The following TRIM24 variants were observed in gnomAD, a reference collection of about 807,000 sequenced individuals.
TRIM24 encodes the protein tripartite motif containing 24.
TRIM24 carries 29 observed loss-of-function variants against 123.9 expected under a neutral mutation model. The observed-to-expected ratio is 0.23, with a 90% CI of 0.17 to 0.32. TRIM24 has a LOEUF of 0.32. Among genes scored for constraint, TRIM24 ranks in the 10% least tolerant of loss-of-function variants. The pLI is 1.00. For missense variants in TRIM24, 932 were observed against 1,295.3 expected (o/e 0.72, Z 4.31); for synonymous variants, 456 against 461.1 (o/e 0.99, Z 0.14).
At position 138,504,363 on chromosome 7, in the gene TRIM24, G is replaced by A. The variant is rs2116527910; in HGVS notation, c.438G>A (p.Lys146=). ...ERHIIDNFFV[K]DTTEVPSSTV... ...ACATCATAGATAACTTTTTTGTGAA[G>A]GACACTACTGAGGTTCCCAGCAGTA... Residue 146 remains lysine (K), a synonymous_variant, in exon 2 of 19, where the codon AAG becomes AAA. Transcript: ENST00000343526. 6.2e-7 allele frequency: 1 copy of A among 1,602,928 alleles called. No individual in the cohort carries two copies. The highest frequency in any genetic ancestry group is 8.5e-7 in the Non-Finnish European group (1 of 1,175,246).
rs988673780 is a variant in TRIM24, at chr7:138,525,473, CAT to C, written c.881+117_881+118del. The C allele has an allele frequency of 9.1e-5, 42 of 461,192 alleles. 1 individual carries two copies. The Admixed American group carries it at 1.4e-3, about 15-fold the overall frequency. 28.6% of individuals were successfully genotyped at this position (461,192 alleles called of 1,614,324 possible). On this transcript the variant is annotated intron_variant, in intron 5 of 18. Coordinates refer to ENST00000343526, the MANE Select transcript of TRIM24 (RefSeq NM_015905.3). ...ACGTTGTTAGATGACTGCAATAACACATGACTGATAAGACTTTCCCAGAAACT... is the reference window on the plus strand; with the variant it reads ...ACGTTGTTAGATGACTGCAATAACACGACTGATAAGACTTTCCCAGAAACT...
chr7:138,499,915 G>A (rs1795999005), intron 1 of TRIM24, among the ~76,000 whole-genome samples: 1 of 151,824 alleles, frequency 6.6e-6, no homozygotes, highest in African/African-American at 2.4e-5. Context: ...TACTATTAGT[G>A]GTATTGACAG....
intron 6 of TRIM24, among the ~76,000 whole-genome samples, chr7:138,530,669 G>A (rs573825872): frequency 9.3e-5 from 14 of 151,252 alleles, no homozygotes; most frequent in Admixed American, 2.6e-4. Flanking sequence ...GTTTTGACAC[G>A]TTGGCTCAGG....
rs1563036481 is a variant in TRIM24, at chr7:138,504,192, T to TTGAAAAAGAAC, written c.365-98_365-97insTGAAAAAGAAC. On this transcript the variant is annotated intron_variant, in intron 1 of 18. Coordinates refer to ENST00000343526, the MANE Select transcript of TRIM24 (RefSeq NM_015905.3). ...ACAGCAGGTATGAATTTAAAAAGAA[T>TTGAAAAAGAAC]GGACATTGAAAAAGAACAAAGTCAC... is the stretch of plus-strand genomic sequence containing the variant. 9.3e-4 allele frequency: 630 copies of TTGAAAAAGAAC among 677,256 alleles called. 2 individuals are homozygous for TTGAAAAAGAAC. The African/African-American group carries it at 0.01, about 11-fold the overall frequency. The allele number at this position is 677,256 out of a possible 1,614,324, so 42.0% of individuals were successfully genotyped here. A position where few individuals can be genotyped will look rare whatever the true frequency, so the allele number is the denominator to read the frequency against.
Position 138,532,912 on chromosome 7 carries a change from A to T in TRIM24, c.996+3682A>T, listed in dbSNP as rs201455402. Among the ~76,000 whole-genome samples, 74 of 152,258 alleles carry T rather than the reference A, an allele frequency of 4.9e-4. 1 individual carries two copies. The East Asian group carries it at 0.012, about 24-fold the overall frequency. ...GTTGAGCAGTGGTTTGTAGTTCTCC[A>T]TGAAGGGGTCCTTCACATCCCTTGT... On this transcript the variant is annotated intron_variant, in intron 6 of 18. Coordinates refer to ENST00000343526, the MANE Select transcript of TRIM24 (RefSeq NM_015905.3).
chr7:138,533,059 A>AT (rs1796782943), intron 6 of TRIM24, among the ~76,000 whole-genome samples: 1 of 152,162 alleles, frequency 6.6e-6, no homozygotes, highest in South Asian at 2.1e-4. Context: ...TTGCACATTG[A>AT]TTTTGTATCC....
At chr7:138,473,667 A>ATGCT (rs1370855647) in intron 1 of TRIM24, among the ~76,000 whole-genome samples, 1 of 152,270 alleles carries the variant, frequency 6.6e-6, no homozygotes, top group Non-Finnish European at 1.5e-5. Flanking sequence ...CTATCACTGT[A>ATGCT]TGCTTACTAG....
chr7:138,510,115 T>C (rs1219188794), intron 2 of TRIM24, among the ~76,000 whole-genome samples: 1 of 152,228 alleles, frequency 6.6e-6, no homozygotes, highest in Non-Finnish European at 1.5e-5. Flanking sequence ...ACTAGTGTGA[T>C]GCTCACAGAA....
At chr7:138,546,768 T>C (rs1420775426) in intron 7 of TRIM24, among the ~76,000 whole-genome samples, 4 of 152,164 alleles carry the variant, frequency 2.6e-5, no homozygotes, top group African/African-American at 7.2e-5. Flanking sequence ...TAAATGGCTA[T>C]TGTCAAAAAG....
intron 6 of TRIM24, among the ~76,000 whole-genome samples, chr7:138,537,379 G>GTT (rs71177994): frequency 0.21 from 11,692 of 56,008 alleles, 3,482 homozygotes; most frequent in Non-Finnish European, 0.26. Context: ...ACCCCTGTTT[G>GTT]TTTTTTTTTT....
intron 1 of TRIM24, among the ~76,000 whole-genome samples, chr7:138,466,254 C>A (rs999194893): frequency 2.6e-5 from 4 of 152,142 alleles, no homozygotes; most frequent in Non-Finnish European, 4.4e-5. Context: ...CTCGGCCTCC[C>A]GAAGTGCTGG....
intron 7 of TRIM24, among the ~76,000 whole-genome samples, chr7:138,547,810 A>AT (rs939724167): frequency 4.6e-5 from 7 of 151,834 alleles, no homozygotes; most frequent in Non-Finnish European, 8.8e-5. Flanking sequence ...CACCTGGCTA[A>AT]TTTTTTTGTA....
At chr7:138,480,623 G>T (rs1460714151) in intron 1 of TRIM24, among the ~76,000 whole-genome samples, 5 of 151,876 alleles carry the variant, frequency 3.3e-5, no homozygotes, top group African/African-American at 1.2e-4. Context: ...GTGTGTGGGT[G>T]TTTTTTTGTT....
intron 6 of TRIM24, among the ~76,000 whole-genome samples, chr7:138,533,797 C>T (rs916592315): frequency 2.6e-5 from 4 of 152,292 alleles, no homozygotes; most frequent in African/African-American, 9.6e-5. Flanking sequence ...ATGGTACCAG[C>T]TCCTCCTTGT....
At chr7:138,498,531 TG>T (rs1309677947) in intron 1 of TRIM24, among the ~76,000 whole-genome samples, 1 of 152,104 alleles carries the variant, frequency 6.6e-6, no homozygotes, top group Admixed American at 6.6e-5. Flanking sequence ...GCCCCCTGTG[TG>T]GGTTTAGCTA....
Position 138,504,352 on chromosome 7 carries a change from T to G in TRIM24, c.427T>G (p.Phe143Val). Residue 143 changes from phenylalanine to valine, a missense_variant, in exon 2 of 19, where the codon TTT becomes GTT. By Grantham distance (50) the Phe-to-Val change is conservative. Around this residue, in one of 7 missense-constraint regions of TRIM24, gnomAD observed 74 missense variants for 163.6 expected, o/e 0.45. Transcript: ENST00000343526. ...TGCAGAGAGACACATCATAGATAAC[T>G]TTTTTGTGAAGGACACTACTGAGGT... Reference protein sequence around the residue: ...ECAERHIIDNFFVKDTTEVPS... With the variant: ...ECAERHIIDNVFVKDTTEVPS... 6.2e-7 allele frequency: 1 copy of G among 1,604,932 alleles called. No individual in the cohort carries two copies.
intron 15 of TRIM24, 98 bp from the exon 16 acceptor site, chr7:138,580,464 A>C (rs1314392054): frequency 6.9e-7 from 1 of 1,458,984 alleles, no homozygotes; most frequent in African/African-American, 1.4e-5. Context: ...CAAATGAACA[A>C]TTCTGTATCA....
At chr7:138,579,662 T>C in intron 15 of TRIM24, 130 bp downstream of exon 15, 1 of 717,876 alleles carries the variant, frequency 1.4e-6, no homozygotes, top group Non-Finnish European at 2.3e-6. Flanking sequence ...TCCCAATGAA[T>C]AGTCTAGGTT....
At chr7:138,480,870 G>A (rs149992999) in intron 1 of TRIM24, among the ~76,000 whole-genome samples, 465 of 152,170 alleles carry the variant, frequency 3.1e-3, no homozygotes, top group African/African-American at 0.01. Context: ...TACCAGTTAG[G>A]TTGAGCACTT....
Sources: gnomAD v4.1 joint callset for allele counts (sites outside exome capture counted in the v4.1 genomes callset) on GRCh38, gnomAD v4.1.1 for gene constraint, gnomAD v4.1.1 regional missense constraint, MANE v1.5 for transcripts, NCBI Gene and HGNC (gene_info 2026-07-23, HGNC 2026-07-21) for gene names.